PAPSS2: variants seen among roughly 807,000 people sequenced by gnomAD.
PAPSS2 encodes 3'-phosphoadenosine 5'-phosphosulfate synthase 2.
A neutral mutation model predicts 66.5 loss-of-function variants in PAPSS2; 61 were observed. That is an observed-to-expected ratio of 0.92 (90% CI 0.75 to 1.14). The LOEUF is 1.14. Ranked by LOEUF, PAPSS2 falls within the 50% of genes most tolerant of loss-of-function variation. PAPSS2 has a pLI of 0.00. For missense variants in PAPSS2, 708 were observed against 789.6 expected, an observed-to-expected ratio of 0.90 and a Z score of 1.24; for synonymous variants, 289 against 287.5, an observed-to-expected ratio of 1.01 and a Z score of -0.05.
intron 8 of PAPSS2, among the ~76,000 whole-genome samples, chr10:87,726,151 G>A (rs1186830769): frequency 6.6e-6 from 1 of 152,198 alleles, no homozygotes; most frequent in Admixed American, 6.5e-5. Context: ...TAATTTAACG[G>A]CTGGGCACGG....
intron 1 of PAPSS2, among the ~76,000 whole-genome samples, chr10:87,702,855 G>A (rs1853334741): frequency 6.6e-6 from 1 of 152,116 alleles, no homozygotes; most frequent in African/African-American, 2.4e-5. Context: ...ACACATGCTT[G>A]GATTTGGCTC....
intron 1 of PAPSS2, chr10:87,660,879 T>C (rs1038822784): frequency 1.5e-5 from 6 of 394,766 alleles, no homozygotes; most frequent in African/African-American, 4.2e-5. Context: ...TGGCGCCTTC[T>C]AGACAGCACT....
chr10:87,723,599 C>A (rs1445445141), intron 8 of PAPSS2, among the ~76,000 whole-genome samples: 1 of 152,084 alleles, frequency 6.6e-6, no homozygotes. Flanking sequence ...TACACAGTAT[C>A]TAGTTTGTGG....
chr10:87,698,139 T>C (rs1307363018), intron 1 of PAPSS2, among the ~76,000 whole-genome samples: 4 of 152,242 alleles, frequency 2.6e-5, no homozygotes, highest in Non-Finnish European at 5.9e-5. Flanking sequence ...AATGTTTTCA[T>C]ACTATTCAAA....
Position 87,746,405 on chromosome 10 carries a change from C to CAA in PAPSS2, c.*445_*446dup, listed in dbSNP as rs1554869630. On this transcript the variant is annotated 3_prime_UTR_variant, in exon 13 of 13. Coordinates refer to ENST00000456849, the MANE Select transcript of PAPSS2 (RefSeq NM_001015880.2). ...ATTGTGTCCTCTTCTGTACAATTGA[C>CAA]AAAAAAAAAAATTTTTTTTTCTCAC... is the stretch of plus-strand genomic sequence containing the variant. 10 of 150,208 alleles carry CAA rather than the reference C, an allele frequency of 6.7e-5. No individual in the cohort carries two copies. Among genetic ancestry groups the CAA allele is most frequent in the Admixed American group, 3.3e-4 (5 of 14,990 alleles). 9.3% of individuals were successfully genotyped at this position (150,208 alleles called of 1,614,324 possible).
intron 9 of PAPSS2, among the ~76,000 whole-genome samples, chr10:87,737,091 G>A (rs938608375): frequency 6.6e-6 from 1 of 152,134 alleles, no homozygotes; most frequent in Non-Finnish European, 1.5e-5. Context: ...TAGAGTTCTG[G>A]GTACCCTGAT....
intron 9 of PAPSS2, among the ~76,000 whole-genome samples, chr10:87,729,155 A>G (rs1486509474): frequency 2.6e-5 from 4 of 152,082 alleles, no homozygotes; most frequent in African/African-American, 4.8e-5. Flanking sequence ...AAAAACCTGA[A>G]GAGTTTCTTA....
At chr10:87,680,244 G>A (rs10509410) in intron 1 of PAPSS2, among the ~76,000 whole-genome samples, 60,378 of 152,036 alleles carry the variant, frequency 0.4, 12,667 homozygotes, top group Non-Finnish European at 0.48. Flanking sequence ...AACTAGACCC[G>A]TTACTATTTT....
intron 1 of PAPSS2, among the ~76,000 whole-genome samples, chr10:87,695,887 TGC>T (rs1257227085): frequency 7.9e-5 from 12 of 152,332 alleles, no homozygotes; most frequent in African/African-American, 2.6e-4. Context: ...CATAAGGAGA[TGC>T]TTTTTAAAAA....
chr10:87,727,168 G>T, intron 8 of PAPSS2, 116 bp from the exon 9 acceptor site: 2 of 863,706 alleles, frequency 2.3e-6, no homozygotes, highest in Non-Finnish European at 3.9e-6. Context: ...TTGGATTTGG[G>T]TCTTAATGCT....
intron 1 of PAPSS2, among the ~76,000 whole-genome samples, chr10:87,687,255 G>GA (rs964908067): frequency 6.6e-6 from 1 of 152,034 alleles, no homozygotes; most frequent in African/African-American, 2.4e-5. Context: ...AATATATTTT[G>GA]AAAAAATTAA....
rs774125074 is a variant in PAPSS2, at chr10:87,745,188, T to C, written c.1678T>C (p.Tyr560His). The C allele has an allele frequency of 3.7e-6, 6 of 1,613,970 alleles. No homozygotes were observed. In the East Asian group the frequency reaches 1.3e-4, roughly 36 times the overall value. The change falls in exon 12 of 13, where the codon TAC (tyrosine) becomes CAC (histidine). Residue 560 changes from tyrosine to histidine, a missense_variant. By Grantham distance (83) the Tyr-to-His change is moderately conservative. Coordinates refer to ENST00000456849, the MANE Select transcript of PAPSS2 (RefSeq NM_001015880.2). ...AATCATTCCATTCCGAGTGGCTGCC[T>C]ACAACAAAGCCAAAAAAGCCATGGA... ...VEIIPFRVAA[Y>H]NKAKKAMDFY...
At chr10:87,706,935 A>T (rs1330211133) in intron 1 of PAPSS2, among the ~76,000 whole-genome samples, 3 of 152,206 alleles carry the variant, frequency 2.0e-5, no homozygotes, top group African/African-American at 7.2e-5. Flanking sequence ...ATGCCCAGCC[A>T]CTTCCAAGTC....
intron 1 of PAPSS2, among the ~76,000 whole-genome samples, chr10:87,707,384 G>A (rs1853404408): frequency 6.6e-6 from 1 of 152,084 alleles, no homozygotes; most frequent in African/African-American, 2.4e-5. Context: ...CTGGTTTGGG[G>A]GGTGTCTACA....
chr10:87,664,150 G>C (rs1482563011), intron 1 of PAPSS2, among the ~76,000 whole-genome samples: 1 of 152,172 alleles, frequency 6.6e-6, no homozygotes, highest in East Asian at 1.9e-4. Flanking sequence ...TTGAACTCCT[G>C]AGCTGAAGAG....
In PAPSS2 at chr10:87,684,716, A is replaced by G. The variant is rs145216185; in HGVS notation, c.28-24480A>G. On this transcript the variant is annotated intron_variant, in intron 1 of 12. Coordinates refer to ENST00000456849, the MANE Select transcript of PAPSS2 (RefSeq NM_001015880.2). ...CTGATGGGCAGTTGGGTGTCTCAAT[A>G]TTTATAGCAACTGTGTGAGGTAGGT... Among the ~76,000 whole-genome samples, 105 of 152,280 alleles carry G rather than the reference A, an allele frequency of 6.9e-4. 1 individual carries two copies. In the East Asian group the frequency reaches 0.018, roughly 26 times the overall value.
intron 1 of PAPSS2, among the ~76,000 whole-genome samples, chr10:87,704,432 A>G (rs1853357114): frequency 6.6e-6 from 1 of 152,204 alleles, no homozygotes; most frequent in South Asian, 2.1e-4. Flanking sequence ...GCCTGTGTGG[A>G]GAAGAAACAG....
chr10:87,678,220 G>A (rs1206245011), intron 1 of PAPSS2, among the ~76,000 whole-genome samples: 1 of 152,092 alleles, frequency 6.6e-6, no homozygotes, highest in African/African-American at 2.4e-5. Context: ...AATAAATGGT[G>A]CTGGGAAAAT....
At chr10:87,705,379 A>G (rs1173213388) in intron 1 of PAPSS2, among the ~76,000 whole-genome samples, 1 of 152,240 alleles carries the variant, frequency 6.6e-6, no homozygotes, top group African/African-American at 2.4e-5. Flanking sequence ...TGAGTCAAAT[A>G]AAGTTGCTAA....
Sources: gnomAD v4.1 joint callset for allele counts (sites outside exome capture counted in the v4.1 genomes callset) on GRCh38, gnomAD v4.1.1 for gene constraint, MANE v1.5 for transcripts, NCBI Gene and HGNC (gene_info 2026-07-23, HGNC 2026-07-21) for gene names.